CFAP100: variants seen among roughly 807,000 people sequenced by gnomAD.
The protein encoded by CFAP100 is cilia- and flagella-associated protein 100.
In CFAP100, 70 loss-of-function variants were observed where a neutral mutation model predicts 81.5. That is an observed-to-expected ratio of 0.86 (90% CI 0.71 to 1.05). The LOEUF (loss-of-function observed/expected upper bound fraction) is 1.05. Ranked by LOEUF, CFAP100 falls within the 50% of genes least tolerant of loss-of-function variation. The probability of loss-of-function intolerance (pLI) is 0.00; values close to 1 mark genes in which losing one functional copy is unlikely to be tolerated. For synonymous variants in CFAP100, 341 were observed against 314.8 expected (o/e 1.08, Z -0.88); for missense variants, 811 against 776.5 (o/e 1.04, Z -0.53).
intron 2 of CFAP100, among the ~76,000 whole-genome samples, chr3:126,398,008 G>A (rs2082914766): frequency 6.6e-6 from 1 of 152,258 alleles, no homozygotes; most frequent in Non-Finnish European, 1.5e-5. Context: ...GCCAGCATGG[G>A]CCAACTGGGT....
chr3:126,403,587 TG>T (rs1398652073), intron 2 of CFAP100, among the ~76,000 whole-genome samples: 1 of 152,072 alleles, frequency 6.6e-6, no homozygotes, highest in Non-Finnish European at 1.5e-5. Flanking sequence ...TTCACCATAT[TG>T]GCCAGGCTGT....
rs559574716 is a variant in CFAP100, at chr3:126,416,208, C to G, written c.226-108C>G. ...CCCGGGACAGCAGTGTTCAGGTCCC[C>G]GCGTCCTCGCGCGCAAACCCGCGTC... On this transcript the variant is annotated intron_variant, in intron 4 of 16. Transcript: ENST00000352312. 1.9e-4 allele frequency: 181 copies of G among 945,296 alleles called. No homozygotes were observed. The African/African-American group carries it at 2.8e-3, about 15-fold the overall frequency. 58.6% of individuals were successfully genotyped at this position (945,296 alleles called of 1,614,324 possible). A position where few individuals can be genotyped will look rare whatever the true frequency, so the allele number is the denominator to read the frequency against.
Position 126,423,328 on chromosome 3 carries a change from G to C in CFAP100, c.1086G>C (p.Ser362=). Residue 362 remains serine (S), a synonymous_variant, in exon 12 of 17, where the codon TCG becomes TCC. Transcript: ENST00000352312. ...CGACCCTGCCATCTCTTCGCAGGTC[G>C]AACTCTCCCATCCCCCCCACGCAGG... ...SESSGGDSRG[S]NSPIPPTQED... is the part of the protein sequence containing the mutation. 1.2e-6 allele frequency: 2 copies of C among 1,612,960 alleles called. No individual in the cohort carries two copies. Among genetic ancestry groups the C allele is most frequent in the Non-Finnish European group, 1.7e-6 (2 of 1,179,520 alleles).
intron 13 of CFAP100, 37 bp downstream of exon 13, chr3:126,423,681 C>A (rs200515324): frequency 2.5e-6 from 4 of 1,611,840 alleles, no homozygotes; most frequent in South Asian, 2.2e-5. Flanking sequence ...GGCTCCCTGC[C>A]GCTCTCATCC....
intron 11 of CFAP100, among the ~76,000 whole-genome samples, chr3:126,422,878 G>A (rs2083354631): frequency 1.3e-5 from 2 of 152,188 alleles, no homozygotes; most frequent in African/African-American, 4.8e-5. Flanking sequence ...CAGAGGCCTG[G>A]GGTAGGGCAG....
intron 11 of CFAP100, chr3:126,420,890 GA>G (rs1388186398): frequency 6.6e-6 from 1 of 152,278 alleles, no homozygotes; most frequent in Non-Finnish European, 1.5e-5. Context: ...ATTTTTGTTG[GA>G]TTATTGGCCT....
chr3:126,436,170 G>T, intron 16 of CFAP100, 121 bp from the exon 17 acceptor site: 1 of 680,870 alleles, frequency 1.5e-6, no homozygotes, highest in Non-Finnish European at 2.6e-6. Flanking sequence ...AGCCTGCAGG[G>T]CTGACCAGAG....
chr3:126,405,385 T>C (rs2083047094), intron 2 of CFAP100, among the ~76,000 whole-genome samples: 1 of 152,200 alleles, frequency 6.6e-6, no homozygotes, highest in African/African-American at 2.4e-5. Flanking sequence ...AATCTTGGCC[T>C]GGCATGGTGG....
chr3:126,419,797 A>G lies in CFAP100; in HGVS notation c.892A>G (p.Asn298Asp). 6.2e-7 allele frequency: 1 copy of G among 1,613,930 alleles called. No individual in the cohort carries two copies. ...VSEASKESSV[N>D]STPGDKGPGI... Reference sequence around the variant, plus strand: ...CGAGGCTTCCAAAGAGAGCAGTGTTAACTCCACACCAGGGGACAAAGGTAG... The same window carrying G: ...CGAGGCTTCCAAAGAGAGCAGTGTTGACTCCACACCAGGGGACAAAGGTAG... Residue 298 changes from asparagine (N) to aspartate (D), a missense_variant, in exon 9 of 17, where the codon AAC becomes GAC. By Grantham distance (23) the Asn-to-Asp change is conservative. Coordinates refer to ENST00000352312, the MANE Select transcript of CFAP100 (RefSeq NM_182628.3).
chr3:126,434,641 T>G, intron 15 of CFAP100: 1 of 457,022 alleles, frequency 2.2e-6, no homozygotes, highest in Non-Finnish European at 4.0e-6. Context: ...GTCTAGAAGA[T>G]AGAAGAGCTG....
At chr3:126,422,410 C>T (rs1359284007) in intron 11 of CFAP100, among the ~76,000 whole-genome samples, 1 of 152,226 alleles carries the variant, frequency 6.6e-6, no homozygotes, top group African/African-American at 2.4e-5. Flanking sequence ...CCTGATGCCT[C>T]TCTGCTTCTG....
chr3:126,416,680 A>G lies in CFAP100; in HGVS notation c.418+172A>G, dbSNP rs914297813. 8 of 553,516 alleles carry G rather than the reference A, an allele frequency of 1.4e-5. No individual in the cohort carries two copies. The African/African-American group carries it at 1.6e-4, about 11-fold the overall frequency. 34.3% of individuals were successfully genotyped at this position (553,516 alleles called of 1,614,324 possible). A position where few individuals can be genotyped will look rare whatever the true frequency, so the allele number is the denominator to read the frequency against. On this transcript the variant is annotated intron_variant, in intron 5 of 16. Transcript: ENST00000352312. ...TTTGGCCTCTCCAGGGGGGTCCCAA[A>G]GCTCTATTCCAGGATTGCAAACCTA...
intron 13 of CFAP100, among the ~76,000 whole-genome samples, chr3:126,424,812 T>C (rs573616527): frequency 1.5e-4 from 23 of 151,964 alleles, no homozygotes; most frequent in Non-Finnish European, 2.9e-4. Context: ...ATGGGAGGGG[T>C]AGAGAAGGCT....
chr3:126,414,228 C>T lies in CFAP100; in HGVS notation c.225+49C>T, dbSNP rs562140276. ...GCACCTCCGGGAGCTTCCCTGCTCCCACTGCTTCCTGGAGTGGCCACATTG... is the reference window on the plus strand; with the variant it reads ...GCACCTCCGGGAGCTTCCCTGCTCCTACTGCTTCCTGGAGTGGCCACATTG... On this transcript the variant is annotated intron_variant, in intron 4 of 16. Transcript: ENST00000352312. The T allele has an allele frequency of 1.2e-5, 17 of 1,368,368 alleles. No individual in the cohort carries two copies. The South Asian group carries it at 2.0e-4, about 16-fold the overall frequency. 84.8% of individuals were successfully genotyped at this position (1,368,368 alleles called of 1,614,324 possible).
intron 5 of CFAP100, chr3:126,416,824 A>G (rs115788102): frequency 1.4e-3 from 371 of 261,162 alleles, no homozygotes; most frequent in African/African-American, 7.6e-3. Context: ...TTTGAGAAAG[A>G]GACCCTTTGC....
intron 16 of CFAP100, 99 bp from the exon 17 acceptor site, chr3:126,436,192 T>C: frequency 1.2e-6 from 1 of 830,492 alleles, no homozygotes; most frequent in Non-Finnish European, 2.0e-6. Flanking sequence ...GGCCTGGAGG[T>C]GACTGGAGCT....
Position 126,435,601 on chromosome 3 carries a change from G to A in CFAP100, c.1671G>A (p.Glu557=), listed in dbSNP as rs765303453. 1.2e-6 allele frequency: 2 copies of A among 1,612,808 alleles called. No homozygotes were observed. Among genetic ancestry groups the A allele is most frequent in the East Asian group, 2.2e-5 (1 of 44,778 alleles). Residue 557 remains glutamate, a synonymous_variant, in exon 16 of 17, where the codon GAG becomes GAA. Coordinates refer to ENST00000352312, the MANE Select transcript of CFAP100 (RefSeq NM_182628.3). The part of the protein sequence containing the change: ...EKLQMQKILQ[E]EHLQRARARA... ...TCCAGATGCAAAAGATCCTACAGGA[G>A]GAGCATCTGCAGCGGGCCCGGGCGC...
At chr3:126,407,866 CAG>C (rs2083092200) in intron 3 of CFAP100, among the ~76,000 whole-genome samples, 1 of 152,196 alleles carries the variant, frequency 6.6e-6, no homozygotes. Context: ...TAGCCCTGAA[CAG>C]GGCATCGCTG....
chr3:126,403,516 C>A (rs1254006611), intron 2 of CFAP100, among the ~76,000 whole-genome samples: 2 of 151,824 alleles, frequency 1.3e-5, no homozygotes, highest in Non-Finnish European at 2.9e-5. Flanking sequence ...TCCAGAGTAG[C>A]TGGGATTACA....
Sources: gnomAD v4.1 joint callset for allele counts (sites outside exome capture counted in the v4.1 genomes callset) on GRCh38, gnomAD v4.1.1 for gene constraint, MANE v1.5 for transcripts, NCBI Gene and HGNC (gene_info 2026-07-23, HGNC 2026-07-21) for gene names.